KCNMA1: variants seen among roughly 807,000 people sequenced by gnomAD.
KCNMA1 encodes potassium calcium-activated channel subfamily M alpha 1.
KCNMA1 carries 29 observed loss-of-function variants against 140.0 expected under a neutral mutation model. The ratio of observed to expected loss-of-function variants is 0.21; its 90% CI spans 0.15 to 0.28. The LOEUF is 0.28. KCNMA1 is among the 10% of genes least tolerant of loss of function. The pLI is 1.00. For missense variants in KCNMA1, 880 were observed against 1,602.2 expected, an observed-to-expected ratio of 0.55 and a Z score of 7.70; for synonymous variants, 612 against 611.9, an observed-to-expected ratio of 1.00 and a Z score of 0.00.
At chr10:77,346,614 G>T (rs918782203) in intron 2 of KCNMA1, among the ~76,000 whole-genome samples, 1 of 152,150 alleles carries the variant, frequency 6.6e-6, no homozygotes, top group Non-Finnish European at 1.5e-5. Flanking sequence ...CCTCCTCATT[G>T]TGTCCTGTTG....
intron 1 of KCNMA1, among the ~76,000 whole-genome samples, chr10:77,439,697 G>C (rs564722655): frequency 1.1e-4 from 17 of 152,250 alleles, no homozygotes; most frequent in African/African-American, 4.1e-4. Context: ...ACCTATCTTC[G>C]GAGCCCTTTC....
At chr10:77,636,917 T>C (rs2093806810) in intron 1 of KCNMA1, 3 of 1,416,012 alleles carry the variant, frequency 2.1e-6, no homozygotes, top group African/African-American at 2.9e-5. Flanking sequence ...GCTTCCTCCG[T>C]CCCCGCTGAG....
intron 2 of KCNMA1, chr10:77,354,619 G>A (rs952280162): frequency 2.6e-5 from 4 of 152,126 alleles, no homozygotes; most frequent in Non-Finnish European, 2.9e-5. Flanking sequence ...CATTCTGTGT[G>A]GTAAGTATGC....
chr10:77,441,786 C>T (rs74851868), intron 1 of KCNMA1, among the ~76,000 whole-genome samples: 7,094 of 152,160 alleles, frequency 0.047, 573 homozygotes, highest in African/African-American at 0.16. Context: ...GGCTGATCCG[C>T]TTAATTATTT....
At chr10:76,940,998 AAAGG>A (rs752766663) in intron 23 of KCNMA1, among the ~76,000 whole-genome samples, 19 of 63,306 alleles carry the variant, frequency 3.0e-4, no homozygotes, top group Middle Eastern at 6.2e-3. Flanking sequence ...AGAGAGAAAG[AAAGG>A]AAGGAAGGAA....
At position 77,287,252 on chromosome 10, in the gene KCNMA1, G is replaced by A. The variant is rs185997194; in HGVS notation, c.541-35996C>T. ...CCCTTGTCTGAAAATACAAGCAACT[G>A]CTGCTGCTTCACACTCAAAGAGCCA... On this transcript the variant is annotated intron_variant, in intron 2 of 27. Transcript: ENST00000286628. Among the ~76,000 whole-genome samples the A allele has an allele frequency of 4.0e-4, 61 of 152,288 alleles. 1 individual carries two copies. The highest frequency in any genetic ancestry group is 1.4e-3 in the African/African-American group (59 of 41,566).
intron 5 of KCNMA1, among the ~76,000 whole-genome samples, chr10:77,163,893 C>A (rs1269228617): frequency 6.6e-6 from 1 of 152,132 alleles, no homozygotes; most frequent in African/African-American, 2.4e-5. Flanking sequence ...CTCTTTCTAA[C>A]CCCAGCACCT....
chr10:77,387,556 T>TTTTCTTTTTC (rs780477007), intron 2 of KCNMA1, among the ~76,000 whole-genome samples: 1 of 113,098 alleles, frequency 8.8e-6, no homozygotes, highest in Non-Finnish European at 1.9e-5. Flanking sequence ...TTTTCTTTTC[T>TTTTCTTTTTC]TTTTCTTTTC....
chr10:77,185,764 G>T (rs919401312), intron 3 of KCNMA1, among the ~76,000 whole-genome samples: 4 of 152,108 alleles, frequency 2.6e-5, no homozygotes, highest in African/African-American at 9.7e-5. Flanking sequence ...CTGATCAGAG[G>T]ATCAGTGTGT....
At chr10:77,293,687 GC>G (rs751180103) in intron 2 of KCNMA1, among the ~76,000 whole-genome samples, 3 of 152,186 alleles carry the variant, frequency 2.0e-5, no homozygotes, top group Non-Finnish European at 2.9e-5. Flanking sequence ...AAGTTTCCAT[GC>G]CTCTGCTTTC....
chr10:77,136,089 G>C (rs1480335468), intron 5 of KCNMA1, among the ~76,000 whole-genome samples: 1 of 152,190 alleles, frequency 6.6e-6, no homozygotes, highest in Non-Finnish European at 1.5e-5. Context: ...ATTATAAACT[G>C]ATAAAACCTT....
chr10:77,436,957 TACACACACACACACAC>T (rs10536103), intron 1 of KCNMA1, among the ~76,000 whole-genome samples: 9 of 134,762 alleles, frequency 6.7e-5, no homozygotes, highest in Admixed American at 3.6e-4. Flanking sequence ...CTTCTTTCTT[TACACACACACACACAC>T]ACACACACAC....
chr10:77,211,140 A>AAAAAC (rs2045924076), intron 3 of KCNMA1, among the ~76,000 whole-genome samples: 2 of 151,958 alleles, frequency 1.3e-5, no homozygotes, highest in South Asian at 4.1e-4. Context: ...AAAACAAAAA[A>AAAAAC]ACAAAGCTGG....
intron 1 of KCNMA1, among the ~76,000 whole-genome samples, chr10:77,460,435 A>G (rs1361832213): frequency 6.6e-6 from 1 of 152,152 alleles, no homozygotes; most frequent in Non-Finnish European, 1.5e-5. Flanking sequence ...ACCTGCACTC[A>G]TGTTTATTGC....
intron 2 of KCNMA1, among the ~76,000 whole-genome samples, chr10:77,252,525 T>TTGTGTGTGTGTGTGTGTG (rs139774027): frequency 2.0e-3 from 298 of 145,822 alleles, no homozygotes; most frequent in African/African-American, 6.1e-3. Flanking sequence ...TGATCAAGCT[T>TTGTGTGTGTGTGTGTGTG]TGTGTGTGTG....
At chr10:76,987,807 A>AG (rs5786256) in intron 19 of KCNMA1, among the ~76,000 whole-genome samples, 141,262 of 152,238 alleles carry the variant, frequency 0.93, 66,001 homozygotes, top group Non-Finnish European at 0.99. Context: ...CAAACTGCAA[A>AG]GGCTTTGAAT....
chr10:77,400,284 G>A (rs1282333492), intron 2 of KCNMA1, among the ~76,000 whole-genome samples: 1 of 152,244 alleles, frequency 6.6e-6, no homozygotes, highest in Non-Finnish European at 1.5e-5. Context: ...CCTGCTTTCT[G>A]TGCAGCAGGT....
chr10:77,111,571 C>G (rs1207316441), intron 7 of KCNMA1, among the ~76,000 whole-genome samples: 1 of 152,214 alleles, frequency 6.6e-6, no homozygotes, highest in Non-Finnish European at 1.5e-5. Flanking sequence ...GACTCTAGAT[C>G]TGGTGACTAC....
intron 25 of KCNMA1, among the ~76,000 whole-genome samples, chr10:76,899,039 T>C (rs527641647): frequency 1.1e-3 from 172 of 152,190 alleles, no homozygotes; most frequent in African/African-American, 3.8e-3. Flanking sequence ...TTAACAGTAT[T>C]ATTCCAGATA....
Sources: allele counts gnomAD v4.1 joint callset (sites outside exome capture counted in the v4.1 genomes callset), GRCh38; gene constraint gnomAD v4.1.1; transcripts MANE v1.5; gene names NCBI Gene and HGNC (gene_info 2026-07-23, HGNC 2026-07-21).